Variants in UTS2B observed in about 807,000 individuals in gnomAD.
The protein encoded by UTS2B is urotensin-2B.
A neutral mutation model predicts 19.2 loss-of-function variants in UTS2B; 21 were observed. The ratio of observed to expected loss-of-function variants is 1.09; its 90% CI spans 0.78 to 1.58. The LOEUF (loss-of-function observed/expected upper bound fraction) is 1.58. Ranked by LOEUF, UTS2B falls within the 40% of genes most tolerant of loss-of-function variation. The pLI, the probability that UTS2B is intolerant of heterozygous loss-of-function variation, is 0.00. For synonymous variants in UTS2B, 57 were observed against 50.2 expected, an observed-to-expected ratio of 1.14 and a Z score of -0.58; for missense variants, 138 against 130.3, an observed-to-expected ratio of 1.06 and a Z score of -0.29.
intron 4 of UTS2B, among the ~76,000 whole-genome samples, chr3:191,301,139 G>A (rs558885183): frequency 3.9e-5 from 6 of 152,186 alleles, no homozygotes; most frequent in South Asian, 4.2e-4. Context: ...TTCCTCTTTA[G>A]GTGGATTTTA....
At chr3:191,283,427 T>A (rs6804824) in intron 4 of UTS2B, among the ~76,000 whole-genome samples, 1 of 152,160 alleles carries the variant, frequency 6.6e-6, no homozygotes, top group Non-Finnish European at 1.5e-5. Context: ...TTTTTTCTAC[T>A]TTGAGTCATA....
chr3:191,277,621 G>A (rs1716271476), intron 6 of UTS2B: 1 of 152,104 alleles, frequency 6.6e-6, no homozygotes, highest in Non-Finnish European at 1.5e-5. Context: ...TTCATCATCT[G>A]TACTCCAACT....
rs186459427 is a variant in UTS2B at position 191,276,325 on chromosome 3, T to C, written c.240+482A>G. On this transcript the variant is annotated intron_variant, in intron 7 of 8. Coordinates refer to ENST00000340524, the MANE Select transcript of UTS2B (RefSeq NM_198152.5). ...AATTGCACGGAGAAAAGGGTGTTAC[T>C]AGGGGTCCCCGTCAAGAAGGCAGCA... is the stretch of plus-strand genomic sequence containing the variant. Among the ~76,000 whole-genome samples, 352 of 152,280 alleles carry C rather than the reference T, an allele frequency of 2.3e-3. 2 individuals are homozygous for C. The highest frequency in any genetic ancestry group is 0.022 in the Admixed American group (338 of 15,296).
chr3:191,336,360 C>T, the UTS2B span, among the ~76,000 whole-genome samples: 3 of 151,926 alleles, frequency 2.0e-5, no homozygotes, highest in African/African-American at 2.4e-5. Context: ...TAATTTTAAC[C>T]ATTTGAGCAA....
intron 1 of UTS2B, chr3:191,329,191 C>A (rs556458448): frequency 6.3e-6 from 1 of 157,668 alleles, no homozygotes; most frequent in African/African-American, 2.4e-5. Flanking sequence ...GGGCAGGGCC[C>A]GGGGGCGGGA....
intron 4 of UTS2B, among the ~76,000 whole-genome samples, chr3:191,294,343 G>A (rs1480387265): frequency 1.3e-5 from 2 of 151,848 alleles, no homozygotes; most frequent in Non-Finnish European, 2.9e-5. Flanking sequence ...TCAAACTCCA[G>A]GGTCTATTAG....
rs555520096 is a variant in UTS2B, at chr3:191,314,422, G to A, written c.-182+1614C>T. 6.6e-4 allele frequency among the ~76,000 whole-genome samples: 100 copies of A among 152,238 alleles called. 1 individual carries two copies. The highest frequency in any genetic ancestry group is 2.3e-3 in the African/African-American group (94 of 41,520). On this transcript the variant is annotated intron_variant, in intron 3 of 8. Coordinates refer to ENST00000340524, the MANE Select transcript of UTS2B (RefSeq NM_198152.5). ...CTTTCCTCATAAAAGTTGGGAAATA[G>A]GCCCCAAGTACAAAGTTGGCAAGAG...
intron 3 of UTS2B, among the ~76,000 whole-genome samples, chr3:191,312,605 C>G (rs1175276498): frequency 6.6e-6 from 1 of 152,188 alleles, no homozygotes; most frequent in Non-Finnish European, 1.5e-5. Context: ...GCCCTTCCTT[C>G]TACCCACACC....
In UTS2B at chr3:191,278,173, A is replaced by T. The variant is rs910568359; in HGVS notation, c.104-3T>A. On this transcript the variant is annotated splice_polypyrimidine_tract_variant and splice_region_variant and intron_variant, in intron 5 of 8. Transcript: ENST00000340524. ...TTTATCTGGAAATATTTCATTTCCTATAATGATCAAAAACCACCATTTTCA... is the reference window on the plus strand; with the variant it reads ...TTTATCTGGAAATATTTCATTTCCTTTAATGATCAAAAACCACCATTTTCA... 6.8e-7 allele frequency: 1 copy of T among 1,467,576 alleles called. No homozygotes were observed. Among genetic ancestry groups the T allele is most frequent in the African/African-American group, 1.4e-5 (1 of 69,956 alleles). 90.9% of individuals were successfully genotyped at this position (1,467,576 alleles called of 1,614,324 possible).
intron 8 of UTS2B, among the ~76,000 whole-genome samples, chr3:191,271,847 ATCT>A (rs1716103494): frequency 6.6e-6 from 1 of 152,230 alleles, no homozygotes; most frequent in Admixed American, 6.5e-5. Context: ...CATACATCTA[ATCT>A]TCTACTCAAT....
chr3:191,284,520 C>T (rs949105500), intron 4 of UTS2B, among the ~76,000 whole-genome samples: 1 of 104,084 alleles, frequency 9.6e-6, no homozygotes, highest in African/African-American at 2.7e-5. Flanking sequence ...CGGGGTTTCA[C>T]CATGCTGGTC....
chr3:191,307,058 A>G (rs1542672), intron 3 of UTS2B, among the ~76,000 whole-genome samples: 29,799 of 152,194 alleles, frequency 0.2, 3,199 homozygotes, highest in Non-Finnish European at 0.24. Flanking sequence ...AGTACAGCCC[A>G]TGTAATTAAA....
intron 2 of UTS2B, among the ~76,000 whole-genome samples, chr3:191,321,205 G>A (rs1402419581): frequency 2.0e-5 from 3 of 152,160 alleles, no homozygotes; most frequent in Non-Finnish European, 1.5e-5. Context: ...GTGTGGGGAG[G>A]GGTGGGAGTG....
At chr3:191,284,210 G>A (rs559703608) in intron 4 of UTS2B, among the ~76,000 whole-genome samples, 322 of 150,714 alleles carry the variant, frequency 2.1e-3, no homozygotes, top group African/African-American at 7.5e-3. Flanking sequence ...TTTAAAAAGT[G>A]TTGATGTAAA....
At chr3:191,335,403 T>C (rs1215166494), upstream of UTS2B, among the ~76,000 whole-genome samples, 4 of 152,316 alleles carry the variant, frequency 2.6e-5, no homozygotes, top group East Asian at 7.7e-4. Flanking sequence ...TTCAAAAATG[T>C]AAAATTAGAA....
At chr3:191,306,063 A>C (rs1485099448) in intron 3 of UTS2B, among the ~76,000 whole-genome samples, 2 of 152,140 alleles carry the variant, frequency 1.3e-5, no homozygotes. Flanking sequence ...TGTTTTGATT[A>C]CTGTTGCCCT....
intron 5 of UTS2B, among the ~76,000 whole-genome samples, chr3:191,279,342 A>G (rs1230752029): frequency 6.6e-6 from 1 of 152,074 alleles, no homozygotes; most frequent in African/African-American, 2.4e-5. Context: ...AAAGACTCTC[A>G]GAGATAGTTT....
At chr3:191,275,399 G>A in intron 7 of UTS2B, 54 bp from the exon 8 acceptor site, 2 of 1,474,456 alleles carry the variant, frequency 1.4e-6, no homozygotes, top group Non-Finnish European at 1.9e-6. Context: ...CCATGCTGTT[G>A]ACCGGGCGCG....
chr3:191,311,029 A>T (rs895143620), intron 3 of UTS2B, among the ~76,000 whole-genome samples: 1 of 152,288 alleles, frequency 6.6e-6, no homozygotes, highest in Admixed American at 6.5e-5. Context: ...AAGTATGTCC[A>T]TCTAGATTAT....
Sources: allele counts gnomAD v4.1 joint callset (sites outside exome capture counted in the v4.1 genomes callset), GRCh38; gene constraint gnomAD v4.1.1; transcripts MANE v1.5; gene names NCBI Gene and HGNC (gene_info 2026-07-23, HGNC 2026-07-21).